ECM2: variants seen among roughly 807,000 people sequenced by gnomAD.
ECM2 encodes the protein extracellular matrix protein 2.
ECM2 carries 57 observed loss-of-function variants against 67.5 expected under a neutral mutation model. The ratio of observed to expected loss-of-function variants is 0.84; its 90% CI spans 0.68 to 1.05. The LOEUF is 1.05. Among genes scored for constraint, ECM2 ranks in the 50% least tolerant of loss-of-function variants. The pLI, the probability that ECM2 is intolerant of heterozygous loss-of-function variation, is 0.00. For missense variants in ECM2, 741 were observed against 822.8 expected (o/e 0.90, Z 1.22); for synonymous variants, 258 against 294.5 (o/e 0.88, Z 1.27).
At chr9:92,557,682 C>T in the ECM2 span, among the ~76,000 whole-genome samples, 4 of 152,084 alleles carry the variant, frequency 2.6e-5, no homozygotes, top group Admixed American at 6.6e-5. Context: ...CTTGCTCTGT[C>T]GCCAGTCTGC....
the ECM2 span, among the ~76,000 whole-genome samples, chr9:92,558,565 T>G: frequency 6.6e-6 from 1 of 152,188 alleles, no homozygotes; most frequent in East Asian, 1.9e-4. Context: ...ATGGACACCA[T>G]GAGGGTCCTT....
rs569185490 is a variant in ECM2, at chr9:92,518,882, GT to G, written c.293-1008del. On this transcript the variant is annotated intron_variant, in intron 2 of 9. Transcript: ENST00000344604. The stretch of plus-strand genomic sequence containing the variant: ...CCAGTCTGGATGACAGAGCAAGACT[GT>G]CCCTAAATAAATAAATAAACAAATA... Among the ~76,000 whole-genome samples the G allele has an allele frequency of 3.3e-3, 508 of 152,186 alleles. 1 individual carries two copies. The highest frequency in any genetic ancestry group is 0.011 in the African/African-American group (466 of 41,518).
intron 1 of ECM2, among the ~76,000 whole-genome samples, chr9:92,533,322 AAAAAAAAT>A (rs1483809824): frequency 1.1e-4 from 10 of 89,528 alleles, no homozygotes; most frequent in Non-Finnish European, 2.2e-4. Flanking sequence ...AAAAAAAAAA[AAAAAAAAT>A]ATATATATAT....
chr9:92,543,893 G>C, the ECM2 span, among the ~76,000 whole-genome samples: 3 of 152,078 alleles, frequency 2.0e-5, no homozygotes. Flanking sequence ...TTTGTATCTT[G>C]CAAACTTTAT....
intron 2 of ECM2, among the ~76,000 whole-genome samples, chr9:92,518,480 G>C (rs1164225648): frequency 1.3e-5 from 2 of 152,188 alleles, no homozygotes; most frequent in Non-Finnish European, 2.9e-5. Context: ...ATGCACATGG[G>C]AATAGGTGAA....
At chr9:92,530,817 G>A (rs138795429) in intron 1 of ECM2, among the ~76,000 whole-genome samples, 328 of 152,184 alleles carry the variant, frequency 2.2e-3, no homozygotes, top group South Asian at 4.4e-3. Context: ...ACTGAGCATA[G>A]TACCCAACAG....
At chr9:92,554,577 T>C in the ECM2 span, among the ~76,000 whole-genome samples, 7 of 152,196 alleles carry the variant, frequency 4.6e-5, no homozygotes, top group Admixed American at 3.3e-4. Context: ...CACTTGATCA[T>C]GGTGGATTAT....
intron 7 of ECM2, 64 bp downstream of exon 7, chr9:92,505,469 T>C: frequency 7.5e-7 from 1 of 1,331,290 alleles, no homozygotes; most frequent in East Asian, 2.4e-5. Flanking sequence ...TAAAATATAT[T>C]TTGTTGTAGT....
intron 7 of ECM2, among the ~76,000 whole-genome samples, chr9:92,503,123 AAC>A (rs764669045): frequency 1.5e-4 from 23 of 152,206 alleles, no homozygotes; most frequent in Non-Finnish European, 2.1e-4. Flanking sequence ...AGTAAAATAA[AAC>A]ACACTGCCAT....
chr9:92,531,746 A>G (rs370698356), intron 1 of ECM2, among the ~76,000 whole-genome samples: 1 of 151,932 alleles, frequency 6.6e-6, no homozygotes, highest in Non-Finnish European at 1.5e-5. Context: ...TCCTTCCTAT[A>G]TCTACTTTCT....
rs143970733 is a variant in ECM2, at chr9:92,501,798, A to G, written c.1604+715T>C. Among the ~76,000 whole-genome samples, 558 of 152,312 alleles carry G rather than the reference A, an allele frequency of 3.7e-3. 2 individuals carry two copies. Among genetic ancestry groups the G allele is most frequent in the South Asian group, 9.1e-3 (44 of 4,828 alleles). On this transcript the variant is annotated intron_variant, in intron 8 of 9. Coordinates refer to ENST00000344604, the MANE Select transcript of ECM2 (RefSeq NM_001393.4). ...CTGTGCTACTTAGGCACATAGTTCC[A>G]GGACACGCAATCCCAGATCCCAGTT...
the ECM2 span, among the ~76,000 whole-genome samples, chr9:92,553,954 G>A: frequency 3.9e-5 from 6 of 152,138 alleles, no homozygotes; most frequent in Admixed American, 1.3e-4. Flanking sequence ...CTGTGTTGAA[G>A]AGGAGTAGTG....
intron 7 of ECM2, among the ~76,000 whole-genome samples, chr9:92,504,645 C>T (rs1846886928): frequency 6.6e-6 from 1 of 152,124 alleles, no homozygotes; most frequent in African/African-American, 2.4e-5. Context: ...AAGTGATCCT[C>T]CACCTCAGCC....
chr9:92,532,013 A>ATTTTTTTT, intron 1 of ECM2, among the ~76,000 whole-genome samples: 1 of 68,950 alleles, frequency 1.5e-5, no homozygotes. Context: ...TTTTTATTTA[A>ATTTTTTTT]TGTTTTTTTT....
chr9:92,504,507 T>C (rs1846876678), intron 7 of ECM2, among the ~76,000 whole-genome samples: 1 of 152,162 alleles, frequency 6.6e-6, no homozygotes, highest in Non-Finnish European at 1.5e-5. Flanking sequence ...ATAGACTCTC[T>C]GGACCTCAGT....
rs1346327639 is a variant in ECM2, at chr9:92,500,882, T to G, written c.1776A>C (p.Lys592Asn). 1 of 1,614,124 alleles carries G rather than the reference T, an allele frequency of 6.2e-7. No homozygotes were observed. Among genetic ancestry groups the G allele is most frequent in the East Asian group, 2.2e-5 (1 of 44,884 alleles). ...CACGGTCCATGCCATCATCAGCAAG[T>G]TTGTTAAATGACAGGTACAAGTATT... is the stretch of plus-strand genomic sequence containing the variant. ...GLEYLYLSFN[K>N]LADDGMDRVS... Residue 592 changes from lysine (K) to asparagine (N), a missense_variant, in exon 9 of 10, where the codon AAA (lysine) becomes AAC (asparagine). Physicochemically the swap from Lys to Asn is moderately conservative, Grantham distance 94. Transcript: ENST00000344604.
chr9:92,515,240 TTGA>T (rs748801133), intron 3 of ECM2, 37 bp from the exon 4 acceptor site: 320 of 1,449,266 alleles, frequency 2.2e-4, no homozygotes, highest in Non-Finnish European at 2.6e-4. Context: ...CAGAGATAAG[TTGA>T]TGATATTAAT....
intron 2 of ECM2, 116 bp from the exon 3 acceptor site, chr9:92,517,991 T>C (rs974284514): frequency 2.1e-5 from 24 of 1,165,052 alleles, no homozygotes; most frequent in Non-Finnish European, 7.3e-6. Flanking sequence ...TAGAATTCTA[T>C]GTGCATTCAT....
intron 2 of ECM2, among the ~76,000 whole-genome samples, chr9:92,521,565 A>G (rs1848072675): frequency 6.6e-6 from 1 of 152,116 alleles, no homozygotes; most frequent in African/African-American, 2.4e-5. Context: ...ATATGGTGAT[A>G]TTTTCTGTTA....
Sources: gnomAD v4.1 joint callset for allele counts (sites outside exome capture counted in the v4.1 genomes callset) on GRCh38, gnomAD v4.1.1 for gene constraint, MANE v1.5 for transcripts, NCBI Gene and HGNC (gene_info 2026-07-23, HGNC 2026-07-21) for gene names.